TOLLIP: variants seen among roughly 807,000 people sequenced by gnomAD.
TOLLIP encodes toll-interacting protein.
In TOLLIP, 16 loss-of-function variants were observed where a neutral mutation model predicts 33.5. That is an observed-to-expected ratio of 0.48 (90% CI 0.32 to 0.72). TOLLIP has a LOEUF of 0.72. Among genes scored for constraint, TOLLIP ranks in the 30% least tolerant of loss-of-function variants. TOLLIP has a pLI of 0.03. For synonymous variants in TOLLIP, 176 were observed against 163.7 expected (o/e 1.07, Z -0.57); for missense variants, 325 against 396.6 (o/e 0.82, Z 1.53).
rs1354607237 is a variant in TOLLIP, at chr11:1,278,545, C to T, written c.611-1292G>A. On this transcript the variant is annotated intron_variant, in intron 5 of 5. Transcript: ENST00000317204. The surrounding 1 kb of genome is among the most constrained non-coding windows in gnomAD (Gnocchi z 4.7). Reference sequence around the variant, plus strand: ...ACCTGCTGCAAAGGCCAGGACTCCTCAGCAAGGAAGGCCACCGCTTCCCGG... The same window carrying T: ...ACCTGCTGCAAAGGCCAGGACTCCTTAGCAAGGAAGGCCACCGCTTCCCGG... Among the ~76,000 whole-genome samples the T allele has an allele frequency of 2.0e-5, 3 of 152,266 alleles. No individual in the cohort carries two copies. The highest frequency in any genetic ancestry group is 6.8e-3 in the Middle Eastern group (2 of 294).
chr11:1,288,315 G>A (rs535034425), intron 4 of TOLLIP, among the ~76,000 whole-genome samples: 2 of 152,204 alleles, frequency 1.3e-5, no homozygotes, highest in African/African-American at 2.4e-5. Context: ...GAAGGGCTGT[G>A]GGGGTCCTCC....
At position 1,276,819 on chromosome 11, in the gene TOLLIP, A is replaced by G; in HGVS notation, c.*220T>C. On this transcript the variant is annotated 3_prime_UTR_variant, in exon 6 of 6. Coordinates refer to ENST00000317204, the MANE Select transcript of TOLLIP (RefSeq NM_019009.4). Reference sequence around the variant, plus strand: ...ACAGGAGAGCGCGCTGAGACCTCCCAGCACGAGATGGGAGGGGAGCCCCCG... The same window carrying G: ...ACAGGAGAGCGCGCTGAGACCTCCCGGCACGAGATGGGAGGGGAGCCCCCG... The G allele has an allele frequency of 6.5e-7, 1 of 1,529,470 alleles. No individual in the cohort carries two copies. The highest frequency in any genetic ancestry group is 1.4e-5 in the African/African-American group (1 of 73,068). 94.7% of individuals were successfully genotyped at this position (1,529,470 alleles called of 1,614,324 possible). A position where few individuals can be genotyped will look rare whatever the true frequency, so the allele number is the denominator to read the frequency against.
chr11:1,279,828 T>TA (rs1044132321), intron 5 of TOLLIP, among the ~76,000 whole-genome samples: 15 of 152,252 alleles, frequency 9.9e-5, no homozygotes, highest in Middle Eastern at 3.4e-3. Context: ...CGCAGCATGG[T>TA]AAGTCCCGGC....
rs146176131 is a variant in TOLLIP at position 1,286,056 on chromosome 11, C to T, written c.556G>A (p.Val186Met). The T allele has an allele frequency of 1.6e-5, 25 of 1,600,644 alleles. No individual in the cohort carries two copies. The highest frequency in any genetic ancestry group is 4.5e-5 in the South Asian group (4 of 88,106). ...PAAMVMPPQP[V>M]VLMPTVYQQG... is the part of the protein sequence containing the mutation. ...TGGTACACTGTTGGCATCAGGACCACGGGCTGGGGTGGCATCACCATGGCA... is the reference window on the plus strand; with the variant it reads ...TGGTACACTGTTGGCATCAGGACCATGGGCTGGGGTGGCATCACCATGGCA... Residue 186 changes from valine to methionine, a missense_variant, in exon 5 of 6, where the codon GTG becomes ATG. Val to Met is a conservative substitution (Grantham distance 21). Coordinates refer to ENST00000317204, the MANE Select transcript of TOLLIP (RefSeq NM_019009.4).
chr11:1,280,312 T>C (rs1433331490), intron 5 of TOLLIP, among the ~76,000 whole-genome samples: 1 of 152,196 alleles, frequency 6.6e-6, no homozygotes, highest in Non-Finnish European at 1.5e-5. Context: ...CTCCCGTGCA[T>C]GGTGCCACCG....
chr11:1,302,457 C>T, intron 1 of TOLLIP: 1 of 529,176 alleles, frequency 1.9e-6, no homozygotes, highest in Non-Finnish European at 2.4e-6. Context: ...ACTGCCATTG[C>T]CCTGTAAGTT....
chr11:1,289,416 A>T (rs1180645010), intron 3 of TOLLIP, among the ~76,000 whole-genome samples: 1 of 152,218 alleles, frequency 6.6e-6, no homozygotes, highest in Non-Finnish European at 1.5e-5. Context: ...CACACTGAGC[A>T]GCAGCCTCGC....
chr11:1,289,049 G>C (rs1201075002), intron 3 of TOLLIP, among the ~76,000 whole-genome samples: 1 of 152,230 alleles, frequency 6.6e-6, no homozygotes, highest in Non-Finnish European at 1.5e-5. Context: ...GAGGGCCCTG[G>C]GCTGCTGTCC....
At chr11:1,299,394 T>A (rs1291840020) in intron 1 of TOLLIP, among the ~76,000 whole-genome samples, 1 of 152,166 alleles carries the variant, frequency 6.6e-6, no homozygotes, top group African/African-American at 2.4e-5. Context: ...TGCTACCAGT[T>A]CATGCTTCAC....
rs957241967 is a variant in TOLLIP at position 1,278,398 on chromosome 11, T to C, written c.611-1145A>G. ...TCTTAGGATAGGACTTTTGTTCCTT[T>C]CTACACTTGGAGGATCCTAAAGGCA... On this transcript the variant is annotated intron_variant, in intron 5 of 5. Transcript: ENST00000317204. This position sits in a 1 kb window ranked among gnomAD's most constrained non-coding sequence, Gnocchi z 4.7. 2.0e-5 allele frequency among the ~76,000 whole-genome samples: 3 copies of C among 152,194 alleles called. No individual in the cohort carries two copies. Among genetic ancestry groups the C allele is most frequent in the Admixed American group, 6.5e-5 (1 of 15,280 alleles).
At chr11:1,289,958 C>A (rs1863880715) in intron 3 of TOLLIP, 3 of 446,840 alleles carry the variant, frequency 6.7e-6, no homozygotes, top group Non-Finnish European at 1.2e-5. Context: ...CCTGTGCGCC[C>A]AGCGGAGGGG....
chr11:1,276,571 G>C lies in TOLLIP; in HGVS notation c.*468C>G. The C allele has an allele frequency of 1.0e-6, 1 of 957,142 alleles. No homozygotes were observed. Among genetic ancestry groups the C allele is most frequent in the Non-Finnish European group, 1.4e-6 (1 of 702,308 alleles). 59.3% of individuals were successfully genotyped at this position (957,142 alleles called of 1,614,324 possible). ...CTCACAGCAAAGCGCGTTAGGGCAA[G>C]GGCGTGAGTTTTCGTCTGGGAAGTT... On this transcript the variant is annotated 3_prime_UTR_variant, in exon 6 of 6. Coordinates refer to ENST00000317204, the MANE Select transcript of TOLLIP (RefSeq NM_019009.4).
chr11:1,288,851 G>A, intron 3 of TOLLIP, 75 bp from the exon 4 acceptor site: 1 of 1,512,546 alleles, frequency 6.6e-7, no homozygotes, highest in African/African-American at 1.4e-5. Context: ...CACCATCGTG[G>A]GCCCGCCTCG....
chr11:1,288,156 C>T (rs891525570), intron 4 of TOLLIP, among the ~76,000 whole-genome samples: 1 of 152,186 alleles, frequency 6.6e-6, no homozygotes, highest in African/African-American at 2.4e-5. Flanking sequence ...AGCACAGCAG[C>T]CCCCAGGCTT....
rs1759381788 is a variant in TOLLIP, at chr11:1,274,614, C to T, written c.*2425G>A. On this transcript the variant is annotated 3_prime_UTR_variant, in exon 6 of 6. Coordinates refer to ENST00000317204, the MANE Select transcript of TOLLIP (RefSeq NM_019009.4). ...GAGCCTCCGGCGACCTGTCTTCTAT[C>T]TCCGGAGCCCCGCCTGAGGCTCCAA... 6.6e-6 allele frequency: 1 copy of T among 152,222 alleles called. No homozygotes were observed. The highest frequency in any genetic ancestry group is 1.5e-5 in the Non-Finnish European group (1 of 68,052). 9.4% of individuals were successfully genotyped at this position (152,222 alleles called of 1,614,324 possible). A position where few individuals can be genotyped will look rare whatever the true frequency, so the allele number is the denominator to read the frequency against.
rs1161289483 is a variant in TOLLIP at position 1,290,910 on chromosome 11, C to G, written c.184-501G>C. 2 of 155,314 alleles carry G rather than the reference C, an allele frequency of 1.3e-5. No individual in the cohort carries two copies. The highest frequency in any genetic ancestry group is 4.8e-5 in the African/African-American group (2 of 41,484). 9.6% of individuals were successfully genotyped at this position (155,314 alleles called of 1,614,324 possible). ...ACGCCACGTGGCTGCTTTCCTCCCT[C>G]GTGAAGGCAGCAGCCCTGCCTGTGC... On this transcript the variant is annotated intron_variant, in intron 2 of 5. Transcript: ENST00000317204. The surrounding 1 kb of genome is among the most constrained non-coding windows in gnomAD (Gnocchi z 4.9).
intron 2 of TOLLIP, among the ~76,000 whole-genome samples, chr11:1,292,687 G>A (rs184568508): frequency 5.9e-5 from 9 of 152,324 alleles, no homozygotes; most frequent in African/African-American, 1.9e-4. Context: ...CACGGGCACC[G>A]CTGCCTCCCC....
intron 1 of TOLLIP, among the ~76,000 whole-genome samples, chr11:1,307,297 G>A (rs1240752992): frequency 1.3e-5 from 2 of 152,222 alleles, no homozygotes; most frequent in African/African-American, 4.8e-5. Context: ...TCGTCTACAT[G>A]ATGGAAACAG....
chr11:1,283,606 A>C, intron 5 of TOLLIP: 1 of 454,380 alleles, frequency 2.2e-6, no homozygotes, highest in Non-Finnish European at 4.4e-6. Flanking sequence ...GTCTATCAAA[A>C]GAAAATTTCA....
Sources: allele counts gnomAD v4.1 joint callset (sites outside exome capture counted in the v4.1 genomes callset), GRCh38; gene constraint gnomAD v4.1.1; non-coding constraint Gnocchi (gnomAD v3.1); transcripts MANE v1.5; gene names NCBI Gene and HGNC (gene_info 2026-07-23, HGNC 2026-07-21).